C5: variants seen among roughly 807,000 people sequenced by gnomAD.
C5 encodes complement C5, also known as C3 and PZP-like alpha-2-macroglobulin domain-containing protein 4.
A neutral mutation model predicts 218.8 loss-of-function variants in C5; 140 were observed. That is an observed-to-expected ratio of 0.64 (90% CI 0.56 to 0.74). The LOEUF (loss-of-function observed/expected upper bound fraction) is 0.74, where lower values mean the gene tolerates loss of function less well. Ranked by LOEUF, C5 falls within the 30% of genes least tolerant of loss-of-function variation. C5 has a pLI of 0.00. For synonymous variants in C5, 614 were observed against 682.3 expected, an observed-to-expected ratio of 0.90 and a Z score of 1.56; for missense variants, 1,700 against 1,969.6, an observed-to-expected ratio of 0.86 and a Z score of 2.59.
At chr9:120,999,007 G>C (rs1055998782) in intron 20 of C5, among the ~76,000 whole-genome samples, 1 of 152,144 alleles carries the variant, frequency 6.6e-6, no homozygotes, top group African/African-American at 2.4e-5. Flanking sequence ...AAGACTATTG[G>C]ATCACCTGCG....
chr9:121,027,551 C>T (rs556899648), intron 7 of C5, among the ~76,000 whole-genome samples: 17 of 152,256 alleles, frequency 1.1e-4, no homozygotes, highest in East Asian at 5.8e-4. Flanking sequence ...ACATCTACAA[C>T]CATCTGATCT....
intron 12 of C5, among the ~76,000 whole-genome samples, chr9:121,018,466 C>T (rs927375010): frequency 2.0e-5 from 3 of 150,652 alleles, no homozygotes; most frequent in Admixed American, 6.7e-5. Context: ...CCCAGCTACT[C>T]GGAAGGCTGA....
At chr9:120,975,031 G>T in intron 29 of C5, 100 bp from the exon 30 acceptor site, 1 of 1,352,058 alleles carries the variant, frequency 7.4e-7, no homozygotes, top group Non-Finnish European at 1.1e-6. Flanking sequence ...GCATTGTCTG[G>T]AGATGAAACT....
chr9:121,065,622 A>T, the C5 span, among the ~76,000 whole-genome samples: 9 of 152,264 alleles, frequency 5.9e-5, no homozygotes, highest in South Asian at 1.9e-3. Flanking sequence ...AGTAACTGGG[A>T]CCACAGGCAC....
rs370041199 is a variant in C5, at chr9:121,042,261, C to T, written c.421+743G>A. On this transcript the variant is annotated intron_variant, in intron 3 of 40. Coordinates refer to ENST00000223642, the MANE Select transcript of C5 (RefSeq NM_001735.3). ...AGCATTCATACTTTTCTGTGTTTTACTTTTGGTTCATTGGGAATAGGTCCA... is the reference window on the plus strand; with the variant it reads ...AGCATTCATACTTTTCTGTGTTTTATTTTTGGTTCATTGGGAATAGGTCCA... 1.9e-4 allele frequency among the ~76,000 whole-genome samples: 29 copies of T among 152,302 alleles called. 1 individual carries two copies. Among genetic ancestry groups the T allele is most frequent in the African/African-American group, 5.5e-4 (23 of 41,568 alleles).
chr9:120,982,919 A>G, intron 25 of C5, 105 bp from the exon 26 acceptor site: 1 of 700,436 alleles, frequency 1.4e-6, no homozygotes, highest in South Asian at 1.9e-5. Context: ...ACATTTTAAA[A>G]CATGCAATTC....
Position 120,991,213 on chromosome 9 carries a change from G to C in C5, c.2919C>G (p.Ile973Met), listed in dbSNP as rs2047074568. 6.2e-7 allele frequency: 1 copy of C among 1,604,304 alleles called. No homozygotes were observed. Among genetic ancestry groups the C allele is most frequent in the African/African-American group, 1.3e-5 (1 of 74,734 alleles). ...TACCTTTTACACTCAAAATCCTTTT[G>C]ATTTCTGTTTTGGGGACCAAATCTA... ...IPLDLVPKTE[I>M]KRILSVKGLL... Residue 973 changes from isoleucine to methionine, a missense_variant, in exon 23 of 41, where the codon ATC (isoleucine) becomes ATG (methionine). Transcript: ENST00000223642.
intron 23 of C5, among the ~76,000 whole-genome samples, 181 bp from the exon 24 acceptor site, chr9:120,989,961 CAA>C (rs537149384): frequency 1.6e-5 from 2 of 125,352 alleles, no homozygotes; most frequent in Non-Finnish European, 1.7e-5. Context: ...TTGAAAGAAA[CAA>C]AAAAAAAAAA....
intron 33 of C5, among the ~76,000 whole-genome samples, chr9:120,968,185 G>T (rs1044789442): frequency 2.0e-5 from 3 of 152,140 alleles, no homozygotes; most frequent in African/African-American, 7.2e-5. Context: ...TGAGATAGGG[G>T]GTTATTTGTG....
chr9:121,031,824 G>A (rs973080489), intron 6 of C5, among the ~76,000 whole-genome samples: 2 of 152,184 alleles, frequency 1.3e-5, no homozygotes, highest in African/African-American at 4.8e-5. Flanking sequence ...CCAGCACTTT[G>A]GGAGGCCGAG....
rs1408992656 is a variant in C5, at chr9:120,989,138, AAAG to A, written c.3155-20_3155-18del. 6.3e-7 allele frequency: 1 copy of A among 1,596,428 alleles called. No individual in the cohort carries two copies. The highest frequency in any genetic ancestry group is 8.6e-7 in the Non-Finnish European group (1 of 1,164,024). On this transcript the variant is annotated intron_variant, in intron 24 of 40. Transcript: ENST00000223642. ...TCAACATCCCTAAGAAGCACAAGAA[AAAG>A]AACACGGTGCTTAACAGACCTCCGT...
chr9:120,964,640 G>C (rs2046852850), intron 33 of C5, among the ~76,000 whole-genome samples: 1 of 152,106 alleles, frequency 6.6e-6, no homozygotes, highest in Non-Finnish European at 1.5e-5. Context: ...TAGGAATTCT[G>C]CTAGTAGGAA....
the C5 span, among the ~76,000 whole-genome samples, chr9:121,061,154 C>T: frequency 3.9e-5 from 6 of 152,168 alleles, no homozygotes; most frequent in African/African-American, 1.4e-4. Flanking sequence ...TGCCACTGCA[C>T]TCCAGCCTGG....
the C5 span, among the ~76,000 whole-genome samples, chr9:121,064,533 T>C: frequency 6.6e-6 from 1 of 152,238 alleles, no homozygotes; most frequent in Non-Finnish European, 1.5e-5. Context: ...ATATTTTGAA[T>C]GTCATTTTAT....
chr9:121,061,768 A>G, the C5 span, among the ~76,000 whole-genome samples: 8 of 152,242 alleles, frequency 5.3e-5, no homozygotes, highest in Non-Finnish European at 8.8e-5. Context: ...TTTGTATGTC[A>G]TAGTTCATAC....
chr9:120,967,239 GAC>G (rs2046875394), intron 33 of C5, among the ~76,000 whole-genome samples: 1 of 142,486 alleles, frequency 7.0e-6, no homozygotes, highest in South Asian at 2.2e-4. Flanking sequence ...CAGCCTGGGA[GAC>G]AGAGTGAAAC....
intron 20 of C5, chr9:121,000,033 T>G: frequency 3.2e-6 from 1 of 310,596 alleles, no homozygotes; most frequent in Non-Finnish European, 6.2e-6. Context: ...CACTCCAGCC[T>G]GGGCGACAGG....
At chr9:121,072,589 G>T in the C5 span, among the ~76,000 whole-genome samples, 1 of 151,864 alleles carries the variant, frequency 6.6e-6, no homozygotes, top group Non-Finnish European at 1.5e-5. Context: ...GGCGGATCAC[G>T]TGAGGTCAGG....
chr9:120,984,697 AT>A (rs2047019762), intron 25 of C5, among the ~76,000 whole-genome samples: 1 of 65,354 alleles, frequency 1.5e-5, no homozygotes, highest in African/African-American at 3.2e-5. Context: ...TAAGTATTCA[AT>A]AGGTATAAGC....
Sources: allele counts gnomAD v4.1 joint callset (sites outside exome capture counted in the v4.1 genomes callset), GRCh38; gene constraint gnomAD v4.1.1; transcripts MANE v1.5; gene names NCBI Gene and HGNC (gene_info 2026-07-23, HGNC 2026-07-21).